PADI3: variants seen among roughly 807,000 people sequenced by gnomAD.
PADI3 encodes the protein protein-arginine deiminase type-3.
Under a neutral mutation model 71.5 loss-of-function variants are expected in PADI3, and 53 were observed. That is an observed-to-expected ratio of 0.74 (90% CI 0.59 to 0.93). The LOEUF (loss-of-function observed/expected upper bound fraction) is 0.93, where lower values mean the gene tolerates loss of function less well. PADI3 is among the 40% of genes least tolerant of loss of function. The probability of loss-of-function intolerance (pLI) is 0.00; values close to 1 mark genes in which losing one functional copy is unlikely to be tolerated. For synonymous variants in PADI3, 361 were observed against 347.5 expected, an observed-to-expected ratio of 1.04 and a Z score of -0.43; for missense variants, 821 against 868.0, an observed-to-expected ratio of 0.95 and a Z score of 0.68.
chr1:17,265,843 G>T (rs1312920911), intron 4 of PADI3, 123 bp downstream of exon 4: 10 of 786,594 alleles, frequency 1.3e-5, no homozygotes, highest in Non-Finnish European at 2.1e-5. Flanking sequence ...GAGACCAAGG[G>T]CCAAAAACAG....
intron 1 of PADI3, among the ~76,000 whole-genome samples, chr1:17,251,148 G>T (rs2072961555): frequency 6.6e-6 from 1 of 152,354 alleles, no homozygotes; most frequent in East Asian, 1.9e-4. Flanking sequence ...ATGAGCACAG[G>T]CTCTGGGGAC....
chr1:17,276,827 A>G lies in PADI3; in HGVS notation c.1506A>G (p.Glu502=). 6.2e-7 allele frequency: 1 copy of G among 1,613,724 alleles called. No homozygotes were observed. Among genetic ancestry groups the G allele is most frequent in the East Asian group, 2.2e-5 (1 of 44,878 alleles). ...SPGACFKLFQ[E]KQKCGHGRAL... ...GGGCCTGCTTCAAGCTCTTCCAGGAAAAGCAGAAGTGTGGCCACGGGAGGG... is the reference window on the plus strand; with the variant it reads ...GGGCCTGCTTCAAGCTCTTCCAGGAGAAGCAGAAGTGTGGCCACGGGAGGG... The change falls in exon 13 of 16, where the codon GAA becomes GAG. Residue 502 remains glutamate (E), a synonymous_variant. Coordinates refer to ENST00000375460, the MANE Select transcript of PADI3 (RefSeq NM_016233.2).
In PADI3 at chr1:17,270,753, C is replaced by T. The variant is rs1024859910; in HGVS notation, c.832-126C>T. 35 of 722,300 alleles carry T rather than the reference C, an allele frequency of 4.8e-5. No individual in the cohort carries two copies. The Middle Eastern group carries it at 1.5e-3, about 32-fold the overall frequency. 44.7% of individuals were successfully genotyped at this position (722,300 alleles called of 1,614,324 possible). On this transcript the variant is annotated intron_variant, in intron 7 of 15. Transcript: ENST00000375460. ...GACCCCAGACTTCTTGACCACCCCT[C>T]TGGTTCATTTCCATCTTGCAGAGAA... is the stretch of plus-strand genomic sequence containing the variant.
intron 8 of PADI3, 35 bp downstream of exon 8, chr1:17,271,017 C>T: frequency 6.2e-7 from 1 of 1,613,328 alleles, no homozygotes; most frequent in Admixed American, 1.7e-5. Flanking sequence ...CCCTCTGGCC[C>T]CCAGGCCCCG....
At chr1:17,262,228 G>A (rs759357460) in intron 3 of PADI3, 23 bp downstream of exon 3, 5 of 1,575,516 alleles carry the variant, frequency 3.2e-6, no homozygotes, top group Non-Finnish European at 4.3e-6. Flanking sequence ...CCATGTTGAT[G>A]GTGTGGCCAA....
intron 6 of PADI3, among the ~76,000 whole-genome samples, chr1:17,269,488 T>A (rs2073216810): frequency 6.6e-6 from 1 of 152,252 alleles, no homozygotes; most frequent in African/African-American, 2.4e-5. Flanking sequence ...TCCAGAACCG[T>A]GCCCCATGGG....
At chr1:17,265,779 G>A in intron 4 of PADI3, 59 bp downstream of exon 4, 1 of 1,483,430 alleles carries the variant, frequency 6.7e-7, no homozygotes, top group Non-Finnish European at 9.4e-7. Context: ...GCTCTAGGTT[G>A]GGTTAAGAAG....
At chr1:17,260,845 G>T (rs1461350145) in intron 2 of PADI3, among the ~76,000 whole-genome samples, 1 of 152,164 alleles carries the variant, frequency 6.6e-6, no homozygotes, top group East Asian at 1.9e-4. Flanking sequence ...GCCTGTGAGG[G>T]GCCCCACCTT....
Position 17,276,413 on chromosome 1 carries a change from GT to G in PADI3, c.1308-100del, listed in dbSNP as rs1053127488. ...TTATAAAAGTAATGCATGTTTTTTT[GT>G]TTTTTAAAAATCAGATATTGCAGGA... is the stretch of plus-strand genomic sequence containing the variant. On this transcript the variant is annotated intron_variant, in intron 11 of 15. Transcript: ENST00000375460. 2.3e-5 allele frequency: 26 copies of G among 1,127,672 alleles called. No homozygotes were observed. The South Asian group carries it at 3.5e-4, about 15-fold the overall frequency. The allele number at this position is 1,127,672 out of a possible 1,614,324, so 69.9% of individuals were successfully genotyped here. A position where few individuals can be genotyped will look rare whatever the true frequency, so the allele number is the denominator to read the frequency against.
chr1:17,266,740 A>T lies in PADI3; in HGVS notation c.430A>T (p.Ser144Cys). The T allele has an allele frequency of 6.2e-7, 1 of 1,614,124 alleles. No homozygotes were observed. The highest frequency in any genetic ancestry group is 2.2e-5 in the East Asian group (1 of 44,874). ...GCAGCGGCAGTGGGTCTGGGGGCCC[A>T]GTGGGTATGGCGGCATCTTGCTGGT... ...VDKRQWVWGP[S>C]GYGGILLVNC... The change falls in exon 5 of 16, where the codon AGT becomes TGT. Residue 144 changes from serine to cysteine, a missense_variant. Coordinates refer to ENST00000375460, the MANE Select transcript of PADI3 (RefSeq NM_016233.2).
chr1:17,278,839 C>A (rs11587458), intron 13 of PADI3, among the ~76,000 whole-genome samples: 1 of 152,134 alleles, frequency 6.6e-6, no homozygotes, highest in Non-Finnish European at 1.5e-5. Context: ...AGAACTTAGA[C>A]GCCCCCAAGT....
intron 6 of PADI3, among the ~76,000 whole-genome samples, chr1:17,269,543 C>T (rs999485567): frequency 1.2e-4 from 19 of 152,152 alleles, no homozygotes; most frequent in African/African-American, 4.3e-4. Flanking sequence ...TAATGAATAT[C>T]GAGCACTCTT....
In PADI3 at chr1:17,283,248, C is replaced by T. The variant is rs1046300423; in HGVS notation, c.*169C>T. On this transcript the variant is annotated 3_prime_UTR_variant, in exon 16 of 16. Coordinates refer to ENST00000375460, the MANE Select transcript of PADI3 (RefSeq NM_016233.2). ...CTTTTCCCTGGAAGTGTCCATGCCTCACCTGCAACCCATGTGGTTCTCAGA... is the reference window on the plus strand; with the variant it reads ...CTTTTCCCTGGAAGTGTCCATGCCTTACCTGCAACCCATGTGGTTCTCAGA... The T allele has an allele frequency of 1.1e-4, 68 of 593,414 alleles. No individual in the cohort carries two copies. Among genetic ancestry groups the T allele is most frequent in the Non-Finnish European group, 1.8e-4 (60 of 332,408 alleles). The allele number at this position is 593,414 out of a possible 1,614,324, so 36.8% of individuals were successfully genotyped here.
chr1:17,281,695 C>T (rs2073402588), intron 15 of PADI3, among the ~76,000 whole-genome samples: 2 of 152,202 alleles, frequency 1.3e-5, no homozygotes, highest in African/African-American at 4.8e-5. Flanking sequence ...TCCGGTGATC[C>T]ACCAGCCTCG....
At chr1:17,268,004 C>G (rs1350960499) in intron 6 of PADI3, 42 bp downstream of exon 6, 3 of 1,611,332 alleles carry the variant, frequency 1.9e-6, no homozygotes, top group Non-Finnish European at 2.5e-6. Flanking sequence ...TGCCCTGTTG[C>G]CAGGTTGCCT....
At chr1:17,260,887 C>A (rs1232537164) in intron 2 of PADI3, among the ~76,000 whole-genome samples, 2 of 152,078 alleles carry the variant, frequency 1.3e-5, no homozygotes, top group Non-Finnish European at 2.9e-5. Context: ...GGTGTGGGTA[C>A]CCCCACCTTG....
chr1:17,274,766 C>T lies in PADI3; in HGVS notation c.1287C>T (p.Leu429=). 2 of 1,613,748 alleles carry T rather than the reference C, an allele frequency of 1.2e-6. No homozygotes were observed. The highest frequency in any genetic ancestry group is 1.1e-5 in the South Asian group (1 of 91,040). Residue 429 remains leucine (L), a synonymous_variant, in exon 11 of 16, where the codon CTC becomes CTT. Transcript: ENST00000375460. ...AAGAGTACCCCCTGGGGAGGATCCT[C>T]ATTGGGGGCAACCTGCCTGGGTGAG... ...NGKEYPLGRI[L]IGGNLPGSSG...
intron 2 of PADI3, among the ~76,000 whole-genome samples, chr1:17,261,320 C>T (rs377437103): frequency 3.9e-5 from 6 of 152,206 alleles, no homozygotes; most frequent in Non-Finnish European, 7.3e-5. Flanking sequence ...GGCCGGGCAC[C>T]GAGCTGCATG....
At chr1:17,257,031 CAAAAAAAAAAAAAAAA>C (rs967292996) in intron 1 of PADI3, among the ~76,000 whole-genome samples, 4 of 37,608 alleles carry the variant, frequency 1.1e-4, no homozygotes, top group African/African-American at 3.6e-4. Context: ...GACTCTGTCT[CAAAAAAAAAAAAAAAA>C]AAAAAAAAAA....
Sources: gnomAD v4.1 joint callset for allele counts (sites outside exome capture counted in the v4.1 genomes callset) on GRCh38, gnomAD v4.1.1 for gene constraint, MANE v1.5 for transcripts, NCBI Gene and HGNC (gene_info 2026-07-23, HGNC 2026-07-21) for gene names.